FNDC3A: variants seen among roughly 807,000 people sequenced by gnomAD.
FNDC3A encodes the protein fibronectin type III domain containing 3A.
Under a neutral mutation model 148.9 loss-of-function variants are expected in FNDC3A, and 32 were observed. The observed-to-expected ratio is 0.21, with a 90% CI of 0.16 to 0.29. The LOEUF (loss-of-function observed/expected upper bound fraction) is 0.29. Among genes scored for constraint, FNDC3A ranks in the 10% least tolerant of loss-of-function variants. FNDC3A has a pLI of 1.00. For missense variants in FNDC3A, 1,191 were observed against 1,452.8 expected, an observed-to-expected ratio of 0.82 and a Z score of 2.93; for synonymous variants, 472 against 473.6, an observed-to-expected ratio of 1.00 and a Z score of 0.04.
chr13:49,065,529 C>G (rs1213712423), intron 2 of FNDC3A, among the ~76,000 whole-genome samples: 1 of 152,166 alleles, frequency 6.6e-6, no homozygotes, highest in Admixed American at 6.5e-5. Context: ...TTATCTTGTT[C>G]ACCTATATCA....
At chr13:49,191,447 TATC>T (rs1365336570) in intron 19 of FNDC3A, 63 bp downstream of exon 19, 1 of 1,329,020 alleles carries the variant, frequency 7.5e-7, no homozygotes, top group Admixed American at 2.6e-5. Flanking sequence ...TTTTAACATA[TATC>T]ATCATATCCA....
intron 19 of FNDC3A, among the ~76,000 whole-genome samples, chr13:49,195,312 GT>G (rs1415455850): frequency 3.3e-5 from 5 of 151,984 alleles, no homozygotes; most frequent in African/African-American, 1.2e-4. Context: ...AAACAGTTAC[GT>G]TCACAATATT....
At chr13:49,175,235 A>G in intron 12 of FNDC3A, 132 bp from the exon 13 acceptor site, 1 of 553,486 alleles carries the variant, frequency 1.8e-6, no homozygotes, top group Non-Finnish European at 3.0e-6. Flanking sequence ...GATCAAACCC[A>G]AGATATATTA....
At position 49,076,228 on chromosome 13, in the gene FNDC3A, A is replaced by G. The variant is rs117803438; in HGVS notation, c.175+864A>G. On this transcript the variant is annotated intron_variant, in intron 3 of 25. Coordinates refer to ENST00000492622, the MANE Select transcript of FNDC3A (RefSeq NM_001079673.2). ...GTTTACTAGCTACATGACCTTGTAC[A>G]TGTTACTTAACCTCTGTAAGTACTT... Among the ~76,000 whole-genome samples, 332 of 152,062 alleles carry G rather than the reference A, an allele frequency of 2.2e-3. 5 individuals are homozygous for G. The East Asian group carries it at 0.03, about 14-fold the overall frequency.
chr13:49,044,841 G>A (rs1449936380), intron 2 of FNDC3A: 1 of 368,616 alleles, frequency 2.7e-6, no homozygotes, highest in African/African-American at 2.2e-5. Flanking sequence ...AGAAACTACT[G>A]GGGTTTGTGC....
intron 2 of FNDC3A, among the ~76,000 whole-genome samples, chr13:49,018,494 T>C (rs1321464954): frequency 6.6e-6 from 1 of 152,274 alleles, no homozygotes; most frequent in Non-Finnish European, 1.5e-5. Context: ...ATTCTAGTTA[T>C]ACATTATTCT....
At position 49,146,096 on chromosome 13, in the gene FNDC3A, C is replaced by G. The variant is rs1292449189; in HGVS notation, c.977+161C>G. 1.4e-5 allele frequency: 8 copies of G among 565,390 alleles called. No individual in the cohort carries two copies. In the South Asian group the frequency reaches 2.0e-4, roughly 14 times the overall value. The allele number at this position is 565,390 out of a possible 1,614,324, so 35.0% of individuals were successfully genotyped here. On this transcript the variant is annotated intron_variant, in intron 8 of 25. Coordinates refer to ENST00000492622, the MANE Select transcript of FNDC3A (RefSeq NM_001079673.2). ...TTCAATGTAAATGGTCCAAATGTAG[C>G]TTGGTACACATTTCTGTCTACCTTC...
At chr13:49,021,432 C>G (rs1873319570) in intron 2 of FNDC3A, among the ~76,000 whole-genome samples, 1 of 152,178 alleles carries the variant, frequency 6.6e-6, no homozygotes, top group Admixed American at 6.5e-5. Context: ...TTCCAGGGAA[C>G]TGCCAGACAG....
chr13:49,131,503 C>T, intron 5 of FNDC3A, 129 bp downstream of exon 5: 1 of 720,052 alleles, frequency 1.4e-6, no homozygotes, highest in South Asian at 1.6e-5. Context: ...TTTTCTTTTA[C>T]TCAAGTACTA....
chr13:49,173,875 T>G (rs1483198970), intron 11 of FNDC3A, among the ~76,000 whole-genome samples: 1 of 152,166 alleles, frequency 6.6e-6, no homozygotes, highest in Admixed American at 6.5e-5. Context: ...CTAAAACTCT[T>G]TAGTTGTCCT....
At chr13:49,114,820 T>C in intron 4 of FNDC3A, 89 bp downstream of exon 4, 2 of 917,824 alleles carry the variant, frequency 2.2e-6, no homozygotes, top group Non-Finnish European at 3.6e-6. Context: ...AAAAAAACCA[T>C]TTAATTACTG....
At chr13:49,063,738 C>G (rs1038605471) in intron 2 of FNDC3A, among the ~76,000 whole-genome samples, 1 of 152,152 alleles carries the variant, frequency 6.6e-6, no homozygotes, top group African/African-American at 2.4e-5. Context: ...CCCATACTCA[C>G]GTCTCTCTGG....
chr13:49,186,634 C>A (rs1349796263), intron 15 of FNDC3A, among the ~76,000 whole-genome samples: 1 of 152,096 alleles, frequency 6.6e-6, no homozygotes, highest in East Asian at 1.9e-4. Context: ...TTGGGAGGCC[C>A]AGGCGGGCAG....
intron 3 of FNDC3A, among the ~76,000 whole-genome samples, chr13:49,086,282 A>G (rs7986805): frequency 0.021 from 3,271 of 152,280 alleles, 43 homozygotes; most frequent in Middle Eastern, 0.054. Context: ...GGGATTGTTC[A>G]TGCCTTTTAA....
At chr13:49,203,039 T>C (rs936938176) in intron 24 of FNDC3A, 118 bp from the exon 25 acceptor site, 25 of 725,314 alleles carry the variant, frequency 3.4e-5, no homozygotes, top group Non-Finnish European at 5.5e-5. Context: ...CTGATACTTA[T>C]TTCAAGTTTA....
Position 49,191,024 on chromosome 13 carries a change from T to C in FNDC3A, c.1954T>C (p.Ser652Pro). The C allele has an allele frequency of 6.2e-7, 1 of 1,610,110 alleles. No homozygotes were observed. Among genetic ancestry groups the C allele is most frequent in the Non-Finnish European group, 8.5e-7 (1 of 1,178,842 alleles). Residue 652 changes from serine to proline, a missense_variant, in exon 18 of 26, where the codon TCT (serine) becomes CCT (proline). Ser to Pro is a moderately conservative substitution (Grantham distance 74). Transcript: ENST00000492622. ...SDGGQSAVSE[S>P]LLVQTPAVPP... ...GCTTTTGTTTTGGCAGGTCTCTGAATCTTTACTTGTGCAGACTCCAGCTGT... is the reference window on the plus strand; with the variant it reads ...GCTTTTGTTTTGGCAGGTCTCTGAACCTTTACTTGTGCAGACTCCAGCTGT...
chr13:49,150,556 C>T (rs1434106190), intron 8 of FNDC3A, among the ~76,000 whole-genome samples: 2 of 151,782 alleles, frequency 1.3e-5, no homozygotes, highest in Non-Finnish European at 2.9e-5. Flanking sequence ...GTTTAGTTTC[C>T]AGGTAGTTGC....
At chr13:49,073,123 T>C (rs1303127653) in intron 2 of FNDC3A, among the ~76,000 whole-genome samples, 1 of 152,036 alleles carries the variant, frequency 6.6e-6, no homozygotes, top group Non-Finnish European at 1.5e-5. Flanking sequence ...AAGTTAAATA[T>C]AGAAGCAGTA....
intron 8 of FNDC3A, among the ~76,000 whole-genome samples, chr13:49,166,309 C>T (rs1007530543): frequency 7.9e-5 from 12 of 152,164 alleles, no homozygotes; most frequent in Non-Finnish European, 1.0e-4. Flanking sequence ...CTGCTGGGGG[C>T]AACAGGATCT....
Sources: allele counts gnomAD v4.1 joint callset (sites outside exome capture counted in the v4.1 genomes callset), GRCh38; gene constraint gnomAD v4.1.1; transcripts MANE v1.5; gene names NCBI Gene and HGNC (gene_info 2026-07-23, HGNC 2026-07-21).